The following WDR70 variants were observed in gnomAD, a reference collection of about 807,000 sequenced individuals.
WDR70 encodes the protein WD repeat domain 70.
Under a neutral mutation model 88.6 loss-of-function variants are expected in WDR70, and 53 were observed. The ratio of observed to expected loss-of-function variants is 0.60; its 90% CI spans 0.48 to 0.75. WDR70 has a LOEUF of 0.75. Ranked by LOEUF, WDR70 falls within the 30% of genes least tolerant of loss-of-function variation. The pLI is 0.00. For synonymous variants in WDR70, 280 were observed against 270.0 expected, an observed-to-expected ratio of 1.04 and a Z score of -0.36; for missense variants, 610 against 823.2, an observed-to-expected ratio of 0.74 and a Z score of 3.17.
chr5:37,541,254 A>G (rs1581379499), intron 9 of WDR70, among the ~76,000 whole-genome samples: 1 of 152,358 alleles, frequency 6.6e-6, no homozygotes, highest in South Asian at 2.1e-4. Context: ...AAATGAAAGG[A>G]AAAGTAAACC....
At chr5:37,402,940 C>G (rs1045958531) in intron 5 of WDR70, among the ~76,000 whole-genome samples, 2 of 113,054 alleles carry the variant, frequency 1.8e-5, no homozygotes, top group African/African-American at 7.5e-5. Flanking sequence ...CCCTCCCTCC[C>G]TCCGTTTTTT....
intron 13 of WDR70, among the ~76,000 whole-genome samples, chr5:37,716,064 T>C (rs1259501744): frequency 1.3e-5 from 2 of 152,188 alleles, no homozygotes; most frequent in African/African-American, 4.8e-5. Context: ...TTGAAAATTG[T>C]GAAAAATGCT....
At chr5:37,462,362 G>T (rs1739032004) in intron 7 of WDR70, among the ~76,000 whole-genome samples, 1 of 152,062 alleles carries the variant, frequency 6.6e-6, no homozygotes, top group South Asian at 2.1e-4. Flanking sequence ...TAGTGCGGTG[G>T]CGTGATCCTG....
chr5:37,576,940 C>T (rs373138707), intron 9 of WDR70, among the ~76,000 whole-genome samples: 1 of 152,220 alleles, frequency 6.6e-6, no homozygotes, highest in South Asian at 2.1e-4. Flanking sequence ...CTAGAGTCTA[C>T]ACAACAGGAA....
chr5:37,390,638 G>C (rs552555995), intron 3 of WDR70, among the ~76,000 whole-genome samples: 4 of 150,776 alleles, frequency 2.7e-5, no homozygotes, highest in Non-Finnish European at 5.9e-5. Flanking sequence ...CCACACCCGG[G>C]TAGTATAAAT....
intron 9 of WDR70, among the ~76,000 whole-genome samples, chr5:37,535,859 C>G (rs1285409707): frequency 6.6e-6 from 1 of 152,156 alleles, no homozygotes; most frequent in Non-Finnish European, 1.5e-5. Flanking sequence ...CCAAGTGTTG[C>G]TTGGATAACA....
chr5:37,514,277 C>A (rs918779852), intron 8 of WDR70, among the ~76,000 whole-genome samples: 1 of 139,240 alleles, frequency 7.2e-6, no homozygotes, highest in South Asian at 2.4e-4. Context: ...CCTCAGCCTC[C>A]CAGAAGTGCT....
intron 5 of WDR70, among the ~76,000 whole-genome samples, chr5:37,434,108 A>G (rs2112029663): frequency 6.6e-6 from 1 of 152,276 alleles, no homozygotes; most frequent in Non-Finnish European, 1.5e-5. Context: ...ACTTACAATC[A>G]CGGCAGAAGG....
chr5:37,415,772 G>A (rs1281115222), intron 5 of WDR70, among the ~76,000 whole-genome samples: 1 of 147,900 alleles, frequency 6.8e-6, no homozygotes, highest in Non-Finnish European at 1.5e-5. Flanking sequence ...CTGCCGGGCG[G>A]AGGGTCTCCT....
In WDR70 at chr5:37,753,117, A is replaced by C. The variant is rs1057218349; in HGVS notation, c.*544A>C. The C allele has an allele frequency of 1.4e-4, 22 of 152,234 alleles. No individual in the cohort carries two copies. Among genetic ancestry groups the C allele is most frequent in the Non-Finnish European group, 7.3e-5 (5 of 68,084 alleles). The allele number at this position is 152,234 out of a possible 1,614,324, so 9.4% of individuals were successfully genotyped here. A position where few individuals can be genotyped will look rare whatever the true frequency, so the allele number is the denominator to read the frequency against. On this transcript the variant is annotated 3_prime_UTR_variant, in exon 18 of 18. Coordinates refer to ENST00000265107, the MANE Select transcript of WDR70 (RefSeq NM_018034.4). ...AGTTAGGAGTGGGCTTTGAAGTCAGACTCATGTGGATTCAAGTCCTGGCTT... is the reference window on the plus strand; with the variant it reads ...AGTTAGGAGTGGGCTTTGAAGTCAGCCTCATGTGGATTCAAGTCCTGGCTT...
chr5:37,587,311 G>A (rs935089237), intron 9 of WDR70, among the ~76,000 whole-genome samples: 14 of 151,798 alleles, frequency 9.2e-5, no homozygotes, highest in African/African-American at 3.4e-4. Flanking sequence ...TGTGCCCACT[G>A]TGTACTTCAT....
At chr5:37,677,895 G>T (rs1561065499) in intron 10 of WDR70, among the ~76,000 whole-genome samples, 1 of 152,302 alleles carries the variant, frequency 6.6e-6, no homozygotes, top group Non-Finnish European at 1.5e-5. Flanking sequence ...CTCAGGACTT[G>T]CTTTATGAAT....
At chr5:37,638,464 A>C (rs1050684962) in intron 10 of WDR70, among the ~76,000 whole-genome samples, 1 of 152,172 alleles carries the variant, frequency 6.6e-6, no homozygotes, top group Admixed American at 6.5e-5. Context: ...AGGAGGACCA[A>C]ATGCATACAT....
intron 17 of WDR70, among the ~76,000 whole-genome samples, chr5:37,744,235 A>C (rs998640367): frequency 2.6e-5 from 4 of 152,118 alleles, no homozygotes; most frequent in Admixed American, 6.5e-5. Flanking sequence ...CAACAGCATC[A>C]ACAACAACAA....
intron 5 of WDR70, among the ~76,000 whole-genome samples, chr5:37,407,455 C>T (rs1171054418): frequency 3.3e-5 from 5 of 151,582 alleles, no homozygotes; most frequent in South Asian, 2.1e-4. Flanking sequence ...GCCTGGGAGG[C>T]GGAGGTTGCA....
intron 8 of WDR70, among the ~76,000 whole-genome samples, chr5:37,516,046 G>A (rs1415386189): frequency 1.3e-5 from 2 of 152,134 alleles, no homozygotes; most frequent in African/African-American, 2.4e-5. Context: ...GTAGAATCAA[G>A]GTTGTTGACA....
At chr5:37,563,583 C>CG (rs1471223700) in intron 9 of WDR70, among the ~76,000 whole-genome samples, 2 of 2,932 alleles carry the variant, frequency 6.8e-4, no homozygotes, top group Admixed American at 4.9e-3. Context: ...CCCTCCCGGA[C>CG]GGGCGGCTGG....
At chr5:37,385,853 G>C (rs1748595912) in intron 3 of WDR70, among the ~76,000 whole-genome samples, 1 of 152,042 alleles carries the variant, frequency 6.6e-6, no homozygotes, top group East Asian at 1.9e-4. Context: ...GCCCAGACTG[G>C]AGTGCAGTGG....
At chr5:37,732,247 AATGCAGGTATAT>A (rs745556891) in intron 17 of WDR70, among the ~76,000 whole-genome samples, 5 of 151,968 alleles carry the variant, frequency 3.3e-5, no homozygotes, top group Non-Finnish European at 7.4e-5. Context: ...ATTGTTTAAA[AATGCAGGTATAT>A]AGCATGTTTT....
Sources: gnomAD v4.1 joint callset for allele counts (sites outside exome capture counted in the v4.1 genomes callset) on GRCh38, gnomAD v4.1.1 for gene constraint, MANE v1.5 for transcripts, NCBI Gene and HGNC (gene_info 2026-07-23, HGNC 2026-07-21) for gene names.